Variants in LIAS observed in about 807,000 individuals in gnomAD.
LIAS encodes the protein lipoyl synthase, mitochondrial.
Under a neutral mutation model 49.4 loss-of-function variants are expected in LIAS, and 36 were observed. The ratio of observed to expected loss-of-function variants is 0.73; its 90% CI spans 0.56 to 0.96. LIAS has a LOEUF of 0.96. Ranked by LOEUF, LIAS falls within the 40% of genes least tolerant of loss-of-function variation. LIAS has a pLI of 0.00. For missense variants in LIAS, 399 were observed against 456.3 expected, an observed-to-expected ratio of 0.87 and a Z score of 1.14; for synonymous variants, 145 against 155.8, an observed-to-expected ratio of 0.93 and a Z score of 0.52.
Position 39,470,799 on chromosome 4 carries a change from A to G in LIAS, c.884-437A>G, listed in dbSNP as rs116237460. On this transcript the variant is annotated intron_variant, in intron 8 of 10. Coordinates refer to ENST00000640888, the MANE Select transcript of LIAS (RefSeq NM_006859.4). ...ACATTGCACACAGTTTATTAGAAAG[A>G]TTCTGATATGTCATAGTTTAAATCA... Among the ~76,000 whole-genome samples the G allele has an allele frequency of 2.0e-3, 305 of 152,358 alleles. 2 individuals are homozygous for G. Among genetic ancestry groups the G allele is most frequent in the African/African-American group, 7.1e-3 (294 of 41,578 alleles).
Position 39,467,529 on chromosome 4 carries a change from T to C in LIAS, c.620T>C (p.Ile207Thr). Residue 207 changes from isoleucine to threonine, a missense_variant, in exon 7 of 11, where the codon ATC becomes ACC. Ile to Thr is a moderately conservative substitution (Grantham distance 89). Around this residue, in one of 3 missense-constraint regions of LIAS, gnomAD observed 234 missense variants for 292.2 expected, o/e 0.80. Coordinates refer to ENST00000640888, the MANE Select transcript of LIAS (RefSeq NM_006859.4). The part of the protein sequence containing the change: ...VSYLKERNPK[I>T]LVECLTPDFR... Reference sequence around the variant, plus strand: ...TCTTTTCCCCTTAGGAATCCAAAAATCCTTGTGGAGTGTCTTACTCCTGAT... The same window carrying C: ...TCTTTTCCCCTTAGGAATCCAAAAACCCTTGTGGAGTGTCTTACTCCTGAT... 1 of 1,594,450 alleles carries C rather than the reference T, an allele frequency of 6.3e-7. No individual in the cohort carries two copies. Among genetic ancestry groups the C allele is most frequent in the Non-Finnish European group, 8.5e-7 (1 of 1,171,728 alleles).
intron 2 of LIAS, among the ~76,000 whole-genome samples, chr4:39,461,481 G>A (rs1003863406): frequency 6.6e-6 from 1 of 152,178 alleles, no homozygotes; most frequent in Non-Finnish European, 1.5e-5. Flanking sequence ...TTTCCATTGA[G>A]TAACCACTAT....
At chr4:39,465,845 G>C (rs1374519946) in intron 6 of LIAS, among the ~76,000 whole-genome samples, 7 of 152,008 alleles carry the variant, frequency 4.6e-5, no homozygotes, top group Non-Finnish European at 1.0e-4. Context: ...TTTTAGTAGA[G>C]ATAGGGTTTG....
intron 7 of LIAS, chr4:39,468,050 T>A (rs1744826090): frequency 6.6e-6 from 1 of 152,152 alleles, no homozygotes; most frequent in Admixed American, 6.5e-5. Context: ...TCTTTTTTCT[T>A]TTGTTTTAAA....
chr4:39,473,210 A>G lies in LIAS; in HGVS notation c.1065A>G (p.Ala355=), dbSNP rs765479168. The change falls in exon 10 of 11, where the codon GCA becomes GCG. Residue 355 remains alanine (A), a splice_region_variant and synonymous_variant. Coordinates refer to ENST00000640888, the MANE Select transcript of LIAS (RefSeq NM_006859.4). ...CTTTGGTGCGTTCTTCATATAAAGC[A>G]GGTAAGTTAGATTGTGGGGCATGGT... ...SGPLVRSSYK[A]GEFFLKNLVA... The G allele has an allele frequency of 6.3e-7, 1 of 1,583,960 alleles. No homozygotes were observed. Among genetic ancestry groups the G allele is most frequent in the Admixed American group, 1.7e-5 (1 of 59,946 alleles).
chr4:39,460,455 A>AC (rs1299593306), intron 1 of LIAS, among the ~76,000 whole-genome samples: 2 of 144,346 alleles, frequency 1.4e-5, no homozygotes, highest in Non-Finnish European at 3.0e-5. Context: ...AATGGCGTGA[A>AC]CCCGGGAGGC....
chr4:39,459,654 T>C (rs1437999221), intron 1 of LIAS, among the ~76,000 whole-genome samples: 2 of 152,234 alleles, frequency 1.3e-5, no homozygotes, highest in African/African-American at 2.4e-5. Context: ...GTTTTGGCTA[T>C]CTCATACACG....
In LIAS at chr4:39,470,005, C is replaced by G. The variant is rs1211440071; in HGVS notation, c.738-14C>G. On this transcript the variant is annotated splice_polypyrimidine_tract_variant and intron_variant, in intron 7 of 10. Coordinates refer to ENST00000640888, the MANE Select transcript of LIAS (RefSeq NM_006859.4). ...CTTGTAATTCTTGCTGACAACAGTC[C>G]TGCTGTTTTCCAGTAAGGTTCGTGA... 1 of 1,601,454 alleles carries G rather than the reference C, an allele frequency of 6.2e-7. No homozygotes were observed. The highest frequency in any genetic ancestry group is 1.7e-5 in the Admixed American group (1 of 59,072).
At chr4:39,464,814 TC>T (rs1361761658) in intron 4 of LIAS, among the ~76,000 whole-genome samples, 1 of 152,192 alleles carries the variant, frequency 6.6e-6, no homozygotes, top group Non-Finnish European at 1.5e-5. Context: ...CCTTTCCTGA[TC>T]CCATCCCCTT....
Position 39,465,152 on chromosome 4 carries a change from T to A in LIAS, c.500T>A (p.Ile167Asn). Residue 167 changes from isoleucine to asparagine, a missense_variant, in exon 5 of 11, where the codon ATT (isoleucine) becomes AAT (asparagine). Transcript: ENST00000640888. ...ASEPYNTAKA[I>N]AEWGLDYVVL... ...GAGCCCTACAATACTGCAAAGGCAATTGCAGAATGGGGTCTGGATTATGTT... is the reference window on the plus strand; with the variant it reads ...GAGCCCTACAATACTGCAAAGGCAAATGCAGAATGGGGTCTGGATTATGTT... 1 of 1,614,212 alleles carries A rather than the reference T, an allele frequency of 6.2e-7. No homozygotes were observed. The highest frequency in any genetic ancestry group is 8.5e-7 in the Non-Finnish European group (1 of 1,180,022).
At chr4:39,461,414 G>T (rs544130381) in intron 2 of LIAS, among the ~76,000 whole-genome samples, 21 of 152,304 alleles carry the variant, frequency 1.4e-4, no homozygotes, top group Admixed American at 6.5e-4. Context: ...ATCACAAGTG[G>T]ATGGAAGTCA....
At chr4:39,465,999 T>C (rs1259226955) in intron 6 of LIAS, 2 of 152,178 alleles carry the variant, frequency 1.3e-5, no homozygotes, top group Non-Finnish European at 2.9e-5. Context: ...TAAGAGACAG[T>C]CTTGCTTTGT....
chr4:39,459,082 C>A lies in LIAS; in HGVS notation c.-36C>A, dbSNP rs948689461. On this transcript the variant is annotated 5_prime_UTR_variant, in exon 1 of 11. Transcript: ENST00000640888. ...TGTCCTTTCCCGGGAGTTAGCGATC[C>A]CTCAACCCCTGCACTGCGCTAGTCC... The A allele has an allele frequency of 2.5e-6, 4 of 1,613,284 alleles. No homozygotes were observed. Among genetic ancestry groups the A allele is most frequent in the Non-Finnish European group, 3.4e-6 (4 of 1,179,214 alleles).
intron 9 of LIAS, 53 bp downstream of exon 9, chr4:39,471,359 G>GTT (rs918508455): frequency 1.4e-6 from 2 of 1,409,222 alleles, no homozygotes; most frequent in Non-Finnish European, 2.0e-6. Flanking sequence ...TAAAGATGGA[G>GTT]TTTTGCTCTT....
Position 39,477,228 on chromosome 4 carries a change from TAAA to T in LIAS, c.*122_*124del. The T allele has an allele frequency of 3.2e-6, 2 of 620,278 alleles. No individual in the cohort carries two copies. The highest frequency in any genetic ancestry group is 5.3e-6 in the Non-Finnish European group (2 of 378,032). 38.4% of individuals were successfully genotyped at this position (620,278 alleles called of 1,614,324 possible). On this transcript the variant is annotated 3_prime_UTR_variant, in exon 11 of 11. Transcript: ENST00000640888. ...AGTGGATGTGCCCCACCTCTTTGCT[TAAA>T]AAAAAAAATGTCAATAGCCAGGCAT...
At chr4:39,463,099 CTTTT>C (rs1191165140) in intron 3 of LIAS, among the ~76,000 whole-genome samples, 1 of 141,034 alleles carries the variant, frequency 7.1e-6, no homozygotes, top group Non-Finnish European at 1.6e-5. Context: ...GTTTAACAGC[CTTTT>C]TTTTTTTTTT....
At chr4:39,470,604 A>C (rs925356412) in intron 8 of LIAS, 1 of 160,102 alleles carries the variant, frequency 6.2e-6, no homozygotes, top group African/African-American at 2.4e-5. Context: ...TGTGCTTTGG[A>C]CTTTGCTGAA....
intron 7 of LIAS, chr4:39,469,656 A>C (rs1744903486): frequency 5.8e-6 from 1 of 171,328 alleles, no homozygotes; most frequent in Non-Finnish European, 1.2e-5. Flanking sequence ...TGAAAGTTTC[A>C]ACCCTCTGAC....
chr4:39,477,340 C>A lies in LIAS; in HGVS notation c.*225C>A. The A allele has an allele frequency of 2.7e-6, 1 of 376,860 alleles. No homozygotes were observed. Among genetic ancestry groups the A allele is most frequent in the Non-Finnish European group, 4.7e-6 (1 of 211,264 alleles). 23.3% of individuals were successfully genotyped at this position (376,860 alleles called of 1,614,324 possible). A position where few individuals can be genotyped will look rare whatever the true frequency, so the allele number is the denominator to read the frequency against. Reference sequence around the variant, plus strand: ...GGTCAGGAGTTCGAGACCAGCCTGGCCAACATGGTGAAATCCTGTCTCCAC... The same window carrying A: ...GGTCAGGAGTTCGAGACCAGCCTGGACAACATGGTGAAATCCTGTCTCCAC... On this transcript the variant is annotated 3_prime_UTR_variant, in exon 11 of 11. Transcript: ENST00000640888.
Sources: gnomAD v4.1 joint callset for allele counts (sites outside exome capture counted in the v4.1 genomes callset) on GRCh38, gnomAD v4.1.1 for gene constraint, gnomAD v4.1.1 regional missense constraint, MANE v1.5 for transcripts, NCBI Gene and HGNC (gene_info 2026-07-23, HGNC 2026-07-21) for gene names.